The following TGM4 variants were observed in gnomAD, a reference collection of about 807,000 sequenced individuals.
TGM4 encodes the protein transglutaminase 4, also known as protein-glutamine gamma-glutamyltransferase 4.
Under a neutral mutation model 76.3 loss-of-function variants are expected in TGM4, and 61 were observed. That is an observed-to-expected ratio of 0.80 (90% confidence interval 0.65 to 0.99). The LOEUF (loss-of-function observed/expected upper bound fraction) is 0.99, where lower values mean the gene tolerates loss of function less well. TGM4 is among the 50% of genes least tolerant of loss of function. TGM4 has a pLI of 0.00. For missense variants in TGM4, 794 were observed against 843.2 expected (o/e 0.94, Z 0.72); for synonymous variants, 337 against 329.8 (o/e 1.02, Z -0.24).
intron 1 of TGM4, among the ~76,000 whole-genome samples, chr3:44,879,261 C>CTATATATATATATA (rs1185276628): frequency 2.1e-5 from 2 of 93,332 alleles, no homozygotes; most frequent in African/African-American, 3.5e-5. Flanking sequence ...CTCTCTCTCT[C>CTATATATATATATA]TCTCTATATA....
chr3:44,881,046 C>T (rs1266072551), intron 1 of TGM4, among the ~76,000 whole-genome samples: 3 of 147,538 alleles, frequency 2.0e-5, no homozygotes, highest in Non-Finnish European at 3.0e-5. Context: ...AGTAAGACTT[C>T]ATCACCACTA....
intron 1 of TGM4, among the ~76,000 whole-genome samples, chr3:44,878,258 G>C (rs925147457): frequency 6.6e-6 from 1 of 151,608 alleles, no homozygotes; most frequent in Non-Finnish European, 1.5e-5. Context: ...AAAAGAGAGA[G>C]AGAGAGAGAA....
chr3:44,897,288 G>A (rs913128920), intron 6 of TGM4, among the ~76,000 whole-genome samples: 1 of 152,294 alleles, frequency 6.6e-6, no homozygotes, highest in Middle Eastern at 3.4e-3. Context: ...ACAGGCGTGG[G>A]CCACCGCGCC....
chr3:44,881,252 G>A (rs1257750140), intron 1 of TGM4, among the ~76,000 whole-genome samples: 2 of 151,474 alleles, frequency 1.3e-5, no homozygotes, highest in African/African-American at 2.4e-5. Flanking sequence ...ACTATTTTTT[G>A]TCCTGATCAT....
At chr3:44,886,340 C>T (rs569427249) in intron 2 of TGM4, among the ~76,000 whole-genome samples, 7 of 150,948 alleles carry the variant, frequency 4.6e-5, no homozygotes, top group Non-Finnish European at 8.9e-5. Context: ...AACTCCGTCT[C>T]AAAAAAAAAT....
chr3:44,901,868 C>T lies in TGM4; in HGVS notation c.908C>T (p.Thr303Met), dbSNP rs373074233. ...DSAHDTERNL[T>M]VDTYVNENGE... ...GCTCACGACACAGAAAGGAACCTCA[C>T]GGTGGACACCTATGTGAATGAGAAT... is the stretch of plus-strand genomic sequence containing the variant. Residue 303 changes from threonine to methionine, a missense_variant, in exon 8 of 14, where the codon ACG becomes ATG. Thr to Met is a moderately conservative substitution (Grantham distance 81, BLOSUM62 -1). Coordinates refer to ENST00000296125, the MANE Select transcript of TGM4 (RefSeq NM_003241.4). 20 of 1,614,082 alleles carry T rather than the reference C, an allele frequency of 1.2e-5. No homozygotes were observed. In the East Asian group the frequency reaches 1.8e-4, roughly 14 times the overall value.
intron 1 of TGM4, among the ~76,000 whole-genome samples, chr3:44,881,423 G>T (rs1189388923): frequency 1.6e-4 from 24 of 152,144 alleles, no homozygotes; most frequent in Non-Finnish European, 4.4e-5. Context: ...ATAAAGAAAA[G>T]AAATTCATTT....
At chr3:44,912,254 A>G (rs913702880) in intron 13 of TGM4, among the ~76,000 whole-genome samples, 3 of 152,214 alleles carry the variant, frequency 2.0e-5, no homozygotes, top group East Asian at 3.8e-4. Context: ...TCCTAGGTGC[A>G]TAGAAATATT....
chr3:44,907,670 G>T (rs1699943565), intron 10 of TGM4, among the ~76,000 whole-genome samples: 1 of 152,100 alleles, frequency 6.6e-6, no homozygotes, highest in African/African-American at 2.4e-5. Flanking sequence ...TAGCCATGCT[G>T]CCTGCTGTTA....
At chr3:44,903,102 C>T (rs1699876227) in intron 8 of TGM4, among the ~76,000 whole-genome samples, 1 of 152,190 alleles carries the variant, frequency 6.6e-6, no homozygotes, top group South Asian at 2.1e-4. Context: ...TTGAACTGTG[C>T]AGGTCCACTC....
chr3:44,895,183 T>A (rs1699763398), intron 5 of TGM4, among the ~76,000 whole-genome samples: 1 of 152,094 alleles, frequency 6.6e-6, no homozygotes, highest in South Asian at 2.1e-4. Flanking sequence ...TAATCCCAGC[T>A]ACTTGGGAGG....
At position 44,878,223 on chromosome 3, in the gene TGM4, CAT is replaced by C. The variant is rs373384351; in HGVS notation, c.19+3527_19+3528del. On this transcript the variant is annotated intron_variant, in intron 1 of 13. Transcript: ENST00000296125. ...GGTGGTTAGGAGATAAATTTCAAGA[CAT>C]GTGTGTGAGAGAGAGAGGGAGAAAA... is the stretch of plus-strand genomic sequence containing the variant. 2.1e-3 allele frequency among the ~76,000 whole-genome samples: 311 copies of C among 151,048 alleles called. 2 individuals are homozygous for C. Among genetic ancestry groups the C allele is most frequent in the East Asian group, 0.017 (90 of 5,154 alleles).
chr3:44,911,145 C>A lies in TGM4; in HGVS notation c.1776+18C>A, dbSNP rs199569755. 74 of 1,612,118 alleles carry A rather than the reference C, an allele frequency of 4.6e-5. No homozygotes were observed. The highest frequency in any genetic ancestry group is 5.8e-5 in the Non-Finnish European group (68 of 1,178,376). On this transcript the variant is annotated intron_variant, in intron 12 of 13. Coordinates refer to ENST00000296125, the MANE Select transcript of TGM4 (RefSeq NM_003241.4). ...CTATAGAGGTGAGCTTCCTGCAGGC[C>A]ATAAAGGGCTCCTTCTGCCTGGAAG...
In TGM4 at chr3:44,914,497, C is replaced by G. The variant is rs1700056684; in HGVS notation, c.*772C>G. 1 of 152,198 alleles carries G rather than the reference C, an allele frequency of 6.6e-6. No individual in the cohort carries two copies. The highest frequency in any genetic ancestry group is 2.1e-4 in the South Asian group (1 of 4,832). The allele number at this position is 152,198 out of a possible 1,614,324, so 9.4% of individuals were successfully genotyped here. A position where few individuals can be genotyped will look rare whatever the true frequency, so the allele number is the denominator to read the frequency against. ...GGTATTCCATCCACTATCCTGGCAACTCAAGGCTGCTTCTGTTAACTGAAG... is the reference window on the plus strand; with the variant it reads ...GGTATTCCATCCACTATCCTGGCAAGTCAAGGCTGCTTCTGTTAACTGAAG... On this transcript the variant is annotated 3_prime_UTR_variant, in exon 14 of 14. Coordinates refer to ENST00000296125, the MANE Select transcript of TGM4 (RefSeq NM_003241.4).
At chr3:44,908,650 G>T (rs1049357131) in intron 10 of TGM4, among the ~76,000 whole-genome samples, 2 of 151,968 alleles carry the variant, frequency 1.3e-5, no homozygotes, top group Non-Finnish European at 2.9e-5. Context: ...TTCAACTCCA[G>T]AATTTATATT....
In TGM4 at chr3:44,890,683, T is replaced by G; in HGVS notation, c.381T>G (p.Leu127=). The G allele has an allele frequency of 6.2e-7, 1 of 1,614,206 alleles. No homozygotes were observed. The change falls in exon 4 of 14, where the codon CTT becomes CTG. Residue 127 remains leucine (L), a synonymous_variant. Transcript: ENST00000296125. ...ACGTGAAAACTGGAAACCACATCCT[T>G]AAGTCTGAAGAAAACATCCTATACC... ...QLNVKTGNHI[L]KSEENILYLL...
intron 5 of TGM4, among the ~76,000 whole-genome samples, chr3:44,894,607 G>A: frequency 6.6e-6 from 1 of 151,202 alleles, no homozygotes; most frequent in Non-Finnish European, 1.5e-5. Flanking sequence ...CAGAGAAGCT[G>A]GGGTGTGAGG....
Position 44,901,520 on chromosome 3 carries a change from G to A in TGM4, c.658-4G>A. On this transcript the variant is annotated splice_polypyrimidine_tract_variant and splice_region_variant and intron_variant, in intron 6 of 13. Coordinates refer to ENST00000296125, the MANE Select transcript of TGM4 (RefSeq NM_003241.4). ...CACTGACCCCACCCCTACGTGTGTG[G>A]CAGATGAGCTTTGAGAAAGGCCAGG... The A allele has an allele frequency of 6.2e-7, 1 of 1,601,710 alleles. No homozygotes were observed. Among genetic ancestry groups the A allele is most frequent in the Non-Finnish European group, 8.5e-7 (1 of 1,171,144 alleles).
chr3:44,891,198 T>C (rs535285938), intron 4 of TGM4, among the ~76,000 whole-genome samples: 5 of 152,334 alleles, frequency 3.3e-5, no homozygotes, highest in African/African-American at 1.2e-4. Flanking sequence ...AGGCTACTTC[T>C]GCCATTACCA....
Sources: allele counts gnomAD v4.1 joint callset (sites outside exome capture counted in the v4.1 genomes callset), GRCh38; gene constraint gnomAD v4.1.1; transcripts MANE v1.5; gene names NCBI Gene and HGNC (gene_info 2026-07-23, HGNC 2026-07-21).